Variants in WDR41 observed in about 807,000 individuals in gnomAD.
WDR41 encodes the protein WD repeat-containing protein 41.
Under a neutral mutation model 69.3 loss-of-function variants are expected in WDR41, and 63 were observed. That is an observed-to-expected ratio of 0.91 (90% CI 0.74 to 1.12). The LOEUF is 1.12. Among genes scored for constraint, WDR41 ranks in the 50% most tolerant of loss-of-function variants. WDR41 has a pLI of 0.00. For missense variants in WDR41, 543 were observed against 534.5 expected, an observed-to-expected ratio of 1.02 and a Z score of -0.16; for synonymous variants, 185 against 192.1, an observed-to-expected ratio of 0.96 and a Z score of 0.31.
chr5:77,568,380 C>A (rs2112269225), intron 1 of WDR41, among the ~76,000 whole-genome samples: 1 of 152,278 alleles, frequency 6.6e-6, no homozygotes, highest in South Asian at 2.1e-4. Context: ...TTGCTAAGTC[C>A]TTGGATCATC....
rs144330261 is a variant in WDR41, at chr5:77,523,403, A to G, written c.43-33831T>C. ...CCAAGTGCTTGGTAAATTCTACTTT[A>G]CAACTTTTCTGAGGGGAAATAATTA... On this transcript the variant is annotated intron_variant, in intron 1 of 5. Coordinates refer to the WDR41 transcript ENST00000509971. 7.3e-3 allele frequency among the ~76,000 whole-genome samples: 1,115 copies of G among 152,180 alleles called. 18 individuals are homozygous for G. Among genetic ancestry groups the G allele is most frequent in the African/African-American group, 0.026 (1,066 of 41,514 alleles).
At chr5:77,616,013 A>AT (rs1744675080) in intron 1 of WDR41, among the ~76,000 whole-genome samples, 2 of 151,684 alleles carry the variant, frequency 1.3e-5, no homozygotes, top group East Asian at 1.9e-4. Flanking sequence ...AAATAAATAA[A>AT]TAAATTAATT....
chr5:77,535,612 C>G (rs1031691518), intron 1 of WDR41, among the ~76,000 whole-genome samples: 1 of 152,110 alleles, frequency 6.6e-6, no homozygotes, highest in South Asian at 2.1e-4. Context: ...ATTCTAGGGT[C>G]TTCAACTCCA....
At chr5:77,434,318 AAAAAC>A (rs1260253463) in intron 12 of WDR41, among the ~76,000 whole-genome samples, 1 of 150,878 alleles carries the variant, frequency 6.6e-6, no homozygotes, top group Non-Finnish European at 1.5e-5. Flanking sequence ...TCTCGGGAAA[AAAAAC>A]AAGAGTTTTC....
intron 1 of WDR41, among the ~76,000 whole-genome samples, chr5:77,565,290 G>A (rs760122475): frequency 6.6e-6 from 1 of 152,128 alleles, no homozygotes; most frequent in South Asian, 2.1e-4. Context: ...ATTTTATCAT[G>A]GTGCATTTCT....
chr5:77,536,570 A>G (rs1243819746), intron 1 of WDR41, among the ~76,000 whole-genome samples: 1 of 152,198 alleles, frequency 6.6e-6, no homozygotes. Flanking sequence ...CACCATATTA[A>G]CAACATTTCA....
chr5:77,501,523 T>A (rs1339308857), intron 1 of WDR41, among the ~76,000 whole-genome samples: 1 of 152,218 alleles, frequency 6.6e-6, no homozygotes, highest in Non-Finnish European at 1.5e-5. Flanking sequence ...AAGAGAGCAG[T>A]GGTTCTCCCA....
chr5:77,451,562 T>C (rs1411770528), intron 6 of WDR41: 2 of 546,434 alleles, frequency 3.7e-6, no homozygotes, highest in Admixed American at 3.4e-5. Context: ...TATTGATTTA[T>C]TAAGAGCAGA....
intron 4 of WDR41, 62 bp from the exon 5 acceptor site, chr5:77,459,186 T>C (rs1297730158): frequency 2.4e-6 from 3 of 1,224,966 alleles, no homozygotes; most frequent in Non-Finnish European, 3.5e-6. Flanking sequence ...ATAACTTTTC[T>C]AATTAACAAT....
intron 1 of WDR41, among the ~76,000 whole-genome samples, chr5:77,548,463 C>A (rs1743238525): frequency 6.6e-6 from 1 of 152,076 alleles, no homozygotes. Flanking sequence ...AAAAAGTGAG[C>A]TAAGGACATG....
chr5:77,464,917 G>A, intron 2 of WDR41, 108 bp from the exon 3 acceptor site: 2 of 1,101,150 alleles, frequency 1.8e-6, no homozygotes, highest in South Asian at 1.5e-5. Context: ...TATTAACGAA[G>A]ATCAAGTTAT....
At chr5:77,449,738 T>A in intron 8 of WDR41, 22 bp downstream of exon 8, 3 of 1,508,766 alleles carry the variant, frequency 2.0e-6, no homozygotes, top group Non-Finnish European at 2.8e-6. Context: ...CTGTACATAA[T>A]AAATGTACAC....
chr5:77,539,228 G>A (rs1000840709), intron 1 of WDR41, among the ~76,000 whole-genome samples: 15 of 152,158 alleles, frequency 9.9e-5, no homozygotes, highest in South Asian at 4.1e-4. Flanking sequence ...ATTTTGGGTA[G>A]ATATAAGCAT....
intron 2 of WDR41, among the ~76,000 whole-genome samples, chr5:77,470,047 G>A (rs141517813): frequency 0.6 from 87,724 of 146,876 alleles, 28,033 homozygotes; most frequent in African/African-American, 0.81. Flanking sequence ...GGTTACCCAC[G>A]AAGGGAAGCC....
At chr5:77,587,661 A>C (rs1201653020) in intron 1 of WDR41, among the ~76,000 whole-genome samples, 2 of 152,224 alleles carry the variant, frequency 1.3e-5, no homozygotes, top group African/African-American at 4.8e-5. Flanking sequence ...TTGAAGCACT[A>C]ATCCCCAGTA....
At chr5:77,587,445 C>G (rs73127928) in intron 1 of WDR41, among the ~76,000 whole-genome samples, 1 of 152,096 alleles carries the variant, frequency 6.6e-6, no homozygotes, top group Admixed American at 6.5e-5. Context: ...AAGTTTTGTA[C>G]GAACATATAC....
intron 11 of WDR41, among the ~76,000 whole-genome samples, chr5:77,436,806 A>G (rs537349864): frequency 6.6e-6 from 1 of 152,302 alleles, no homozygotes; most frequent in East Asian, 1.9e-4. Flanking sequence ...AGGACCAGAA[A>G]CAACTAGGTA....
At chr5:77,588,398 A>G in intron 1 of WDR41, among the ~76,000 whole-genome samples, 1 of 152,210 alleles carries the variant, frequency 6.6e-6, no homozygotes. Context: ...TTTTTACAAA[A>G]TGTATTGCTT....
At chr5:77,470,986 T>C (rs1274171050) in intron 2 of WDR41, among the ~76,000 whole-genome samples, 5 of 152,198 alleles carry the variant, frequency 3.3e-5, no homozygotes, top group Non-Finnish European at 7.4e-5. Context: ...CTTCTCAGCA[T>C]CACACCACAC....
Sources: allele counts gnomAD v4.1 joint callset (sites outside exome capture counted in the v4.1 genomes callset), GRCh38; gene constraint gnomAD v4.1.1; transcripts MANE v1.5; gene names NCBI Gene and HGNC (gene_info 2026-07-23, HGNC 2026-07-21).